Variants in TGM6 observed in about 807,000 individuals in gnomAD.
TGM6 encodes protein-glutamine gamma-glutamyltransferase 6.
A neutral mutation model predicts 77.5 loss-of-function variants in TGM6; 74 were observed. The observed-to-expected ratio is 0.96, with a 90% CI of 0.79 to 1.16. TGM6 has a LOEUF of 1.16. TGM6 is among the 50% of genes most tolerant of loss of function. TGM6 has a pLI of 0.00. For synonymous variants in TGM6, 383 were observed against 378.9 expected (o/e 1.01, Z -0.12); for missense variants, 968 against 940.2 (o/e 1.03, Z -0.39).
intron 9 of TGM6, among the ~76,000 whole-genome samples, chr20:2,413,163 C>A (rs2084794831): frequency 6.6e-6 from 1 of 152,192 alleles, no homozygotes; most frequent in Admixed American, 6.5e-5. Flanking sequence ...GTGATCCCAG[C>A]ACTTTAGGAG....
chr20:2,403,406 T>C lies in TGM6; in HGVS notation c.999T>C (p.His333=), dbSNP rs1432606550. 1.5e-5 allele frequency: 24 copies of C among 1,614,024 alleles called. No homozygotes were observed. Among genetic ancestry groups the C allele is most frequent in the Non-Finnish European group, 1.9e-5 (23 of 1,180,036 alleles). ...CCTCTCTCTGTGGCAGGAATTTCCA[T>C]GTCTGGAATGAGAGCTGGTTTGCCC... ...DLTEDSMWNF[H]VWNESWFARQ... The change falls in exon 8 of 13, where the codon CAT becomes CAC. Residue 333 remains histidine (H), a synonymous_variant. Coordinates refer to ENST00000202625, the MANE Select transcript of TGM6 (RefSeq NM_198994.3).
chr20:2,381,012 G>C, intron 1 of TGM6, 37 bp downstream of exon 1: 1 of 1,606,516 alleles, frequency 6.2e-7, no homozygotes, highest in Non-Finnish European at 8.5e-7. Context: ...GGACACCAGG[G>C]CTCATGAGGG....
At position 2,430,502 on chromosome 20, in the gene TGM6, G is replaced by A; in HGVS notation, c.1735G>A (p.Asp579Asn). ...YSKYKEDLTE[D>N]KKILLAAMCL... is the part of the protein sequence containing the mutation. ...TAAGTATAAAGAAGACCTGACAGAG[G>A]ACAAGAAGATCCTGTTGGCTGCCAT... The change falls in exon 11 of 13, where the codon GAC (aspartate) becomes AAC (asparagine). Residue 579 changes from aspartate to asparagine, a missense_variant. Asp to Asn is a conservative substitution (Grantham distance 23). Transcript: ENST00000202625. The A allele has an allele frequency of 2.5e-6, 4 of 1,614,168 alleles. No homozygotes were observed. Among genetic ancestry groups the A allele is most frequent in the Non-Finnish European group, 3.4e-6 (4 of 1,180,036 alleles).
chr20:2,424,379 C>T, intron 10 of TGM6, among the ~76,000 whole-genome samples: 1 of 152,230 alleles, frequency 6.6e-6, no homozygotes. Flanking sequence ...CTTGTTGCTT[C>T]AGCTTGCACT....
Position 2,432,748 on chromosome 20 carries a change from C to G in TGM6, c.*105C>G. On this transcript the variant is annotated 3_prime_UTR_variant, in exon 13 of 13. Coordinates refer to ENST00000202625, the MANE Select transcript of TGM6 (RefSeq NM_198994.3). ...CAGGAGGCCTCAGTTAATCCTGCCT[C>G]AACCTCTGCCCTACTTTGTAAACTT... The G allele has an allele frequency of 6.6e-7, 1 of 1,508,298 alleles. No individual in the cohort carries two copies. Among genetic ancestry groups the G allele is most frequent in the Non-Finnish European group, 9.2e-7 (1 of 1,091,058 alleles). 93.4% of individuals were successfully genotyped at this position (1,508,298 alleles called of 1,614,324 possible).
At chr20:2,406,525 G>A (rs1413182465) in intron 9 of TGM6, among the ~76,000 whole-genome samples, 1 of 151,356 alleles carries the variant, frequency 6.6e-6, no homozygotes, top group Non-Finnish European at 1.5e-5. Flanking sequence ...AGGTCTGTGG[G>A]TCTTTTGTCC....
At chr20:2,381,813 G>A (rs1334148882) in intron 1 of TGM6, among the ~76,000 whole-genome samples, 1 of 152,224 alleles carries the variant, frequency 6.6e-6, no homozygotes, top group Non-Finnish European at 1.5e-5. Flanking sequence ...AGCTACTTGG[G>A]AGGCTGAGGT....
At chr20:2,390,452 T>C (rs2084622700) in intron 1 of TGM6, among the ~76,000 whole-genome samples, 1 of 152,206 alleles carries the variant, frequency 6.6e-6, no homozygotes, top group Non-Finnish European at 1.5e-5. Context: ...ACTCCAGCCC[T>C]TGCTTGTTTG....
intron 1 of TGM6, among the ~76,000 whole-genome samples, chr20:2,385,759 C>T (rs377601512): frequency 4.6e-5 from 7 of 152,266 alleles, no homozygotes; most frequent in African/African-American, 1.7e-4. Flanking sequence ...TGCAGAGCAT[C>T]AGCTCCCCAT....
chr20:2,417,170 A>G, intron 9 of TGM6, 62 bp from the exon 10 acceptor site: 1 of 1,484,628 alleles, frequency 6.7e-7, no homozygotes, highest in Non-Finnish European at 9.2e-7. Context: ...GACTTCCATG[A>G]GCCATAGTAA....
At chr20:2,383,343 G>A (rs2084568634) in intron 1 of TGM6, among the ~76,000 whole-genome samples, 1 of 152,186 alleles carries the variant, frequency 6.6e-6, no homozygotes, top group African/African-American at 2.4e-5. Context: ...GGCAGGAGGA[G>A]GAAGATGGAT....
intron 10 of TGM6, among the ~76,000 whole-genome samples, chr20:2,418,213 A>G (rs1259856457): frequency 6.6e-6 from 1 of 152,060 alleles, no homozygotes; most frequent in Non-Finnish European, 1.5e-5. Context: ...GGGTTTCATG[A>G]TGTTGCCCAG....
chr20:2,420,993 T>A (rs980683165), intron 10 of TGM6, among the ~76,000 whole-genome samples: 2 of 152,262 alleles, frequency 1.3e-5, no homozygotes, highest in Admixed American at 6.5e-5. Flanking sequence ...TTAATTTTTT[T>A]TTTTTATTTT....
chr20:2,383,430 T>C (rs1007533990), intron 1 of TGM6, among the ~76,000 whole-genome samples: 23 of 152,140 alleles, frequency 1.5e-4, no homozygotes, highest in African/African-American at 5.6e-4. Context: ...ACCCTTCCCT[T>C]TCTTAGGTGG....
At chr20:2,419,145 A>G (rs2084839321) in intron 10 of TGM6, among the ~76,000 whole-genome samples, 1 of 151,656 alleles carries the variant, frequency 6.6e-6, no homozygotes, top group Non-Finnish European at 1.5e-5. Context: ...CTCCCTCTCC[A>G]TCTGTCTCTC....
At chr20:2,427,252 C>T (rs1476765212) in intron 10 of TGM6, among the ~76,000 whole-genome samples, 1 of 152,012 alleles carries the variant, frequency 6.6e-6, no homozygotes, top group Non-Finnish European at 1.5e-5. Flanking sequence ...AAGAACTGGT[C>T]CCTTTTATCT....
chr20:2,384,521 T>C (rs1316941030), intron 1 of TGM6, among the ~76,000 whole-genome samples: 61 of 152,202 alleles, frequency 4.0e-4, no homozygotes, highest in Non-Finnish European at 2.5e-4. Flanking sequence ...ACCTAGTATG[T>C]GCCTGGTACC....
chr20:2,398,394 CCTGGAA>C (rs2084683600), intron 5 of TGM6, among the ~76,000 whole-genome samples: 1 of 152,108 alleles, frequency 6.6e-6, no homozygotes, highest in South Asian at 2.1e-4. Flanking sequence ...TGTCATGTCT[CCTGGAA>C]CTGGAATGTC....
intron 9 of TGM6, among the ~76,000 whole-genome samples, 183 bp downstream of exon 9, chr20:2,404,006 C>T (rs1490768370): frequency 2.6e-5 from 4 of 152,224 alleles, no homozygotes; most frequent in African/African-American, 9.6e-5. Flanking sequence ...TAATAGCTTC[C>T]TCTGTTTGCT....
Sources: gnomAD v4.1 joint callset for allele counts (sites outside exome capture counted in the v4.1 genomes callset) on GRCh38, gnomAD v4.1.1 for gene constraint, MANE v1.5 for transcripts, NCBI Gene and HGNC (gene_info 2026-07-23, HGNC 2026-07-21) for gene names.